FGF14: variants seen among roughly 807,000 people sequenced by gnomAD.
The protein encoded by FGF14 is fibroblast growth factor 14, also known as fibroblast growth factor homologous factor 4.
Under a neutral mutation model 25.5 loss-of-function variants are expected in FGF14, and 5 were observed. The observed-to-expected ratio is 0.20, with a 90% CI of 0.10 to 0.41. The LOEUF (loss-of-function observed/expected upper bound fraction) is 0.41, where lower values mean the gene tolerates loss of function less well. FGF14 is among the 10% of genes least tolerant of loss of function. FGF14 has a pLI of 1.00. For synonymous variants in FGF14, 138 were observed against 118.3 expected (o/e 1.17, Z -1.08); for missense variants, 222 against 320.1 (o/e 0.69, Z 2.34).
intron 3 of FGF14, among the ~76,000 whole-genome samples, chr13:101,807,430 A>C (rs1006560590): frequency 6.6e-6 from 1 of 152,100 alleles, no homozygotes; most frequent in Non-Finnish European, 1.5e-5. Flanking sequence ...TACTCACCTT[A>C]AATATTCTCT....
intron 3 of FGF14, among the ~76,000 whole-genome samples, chr13:101,816,854 A>G (rs1238375226): frequency 6.6e-6 from 1 of 152,172 alleles, no homozygotes; most frequent in African/African-American, 2.4e-5. Flanking sequence ...CAGCAGAAGG[A>G]TTATCACTGT....
At chr13:101,999,945 C>G (rs2039391342) in intron 1 of FGF14, among the ~76,000 whole-genome samples, 1 of 152,188 alleles carries the variant, frequency 6.6e-6, no homozygotes, top group Non-Finnish European at 1.5e-5. Context: ...CTATTCTTAA[C>G]TCTGAGATTT....
chr13:102,135,013 G>A (rs980968295), intron 1 of FGF14, among the ~76,000 whole-genome samples: 2 of 119,318 alleles, frequency 1.7e-5, no homozygotes, highest in South Asian at 2.7e-4. Context: ...GGGAGACCCC[G>A]TGTCCACACA....
At chr13:102,386,587 C>A (rs2058309283) in intron 1 of FGF14, among the ~76,000 whole-genome samples, 1 of 152,170 alleles carries the variant, frequency 6.6e-6, no homozygotes, top group African/African-American at 2.4e-5. Context: ...CATAATGCCT[C>A]CTTCTGCTTT....
intron 1 of FGF14, among the ~76,000 whole-genome samples, chr13:102,085,217 T>A (rs976493922): frequency 6.6e-6 from 1 of 151,656 alleles, no homozygotes; most frequent in Non-Finnish European, 1.5e-5. Context: ...TTTCCTTTTT[T>A]CCCCCACCTC....
chr13:102,158,579 G>A (rs2047468929), intron 1 of FGF14, among the ~76,000 whole-genome samples: 1 of 151,782 alleles, frequency 6.6e-6, no homozygotes, highest in African/African-American at 2.4e-5. Context: ...TAAATGATGA[G>A]TTAATGGGTG....
intron 1 of FGF14, among the ~76,000 whole-genome samples, chr13:101,899,181 T>C (rs766488789): frequency 1.3e-5 from 2 of 148,672 alleles, no homozygotes; most frequent in African/African-American, 2.6e-5. Context: ...TAAACTGGAA[T>C]CTTCTGCCCC....
chr13:101,739,410 T>C (rs554874102), intron 3 of FGF14, among the ~76,000 whole-genome samples: 19 of 152,208 alleles, frequency 1.2e-4, no homozygotes, highest in African/African-American at 4.6e-4. Context: ...ATGATCGTAT[T>C]ATTACAAATT....
intron 1 of FGF14, among the ~76,000 whole-genome samples, chr13:102,317,334 T>C (rs2056070398): frequency 1.3e-5 from 2 of 152,040 alleles, no homozygotes; most frequent in Non-Finnish European, 2.9e-5. Context: ...TATTCCCACC[T>C]GCATTCTGTA....
At chr13:102,334,188 C>G (rs920925822) in intron 1 of FGF14, among the ~76,000 whole-genome samples, 56 of 152,168 alleles carry the variant, frequency 3.7e-4, no homozygotes, top group African/African-American at 1.3e-3. Flanking sequence ...CAAGTTCAAT[C>G]AAGTCATGGA....
At chr13:102,135,958 C>T (rs577700180) in intron 1 of FGF14, among the ~76,000 whole-genome samples, 240 of 152,110 alleles carry the variant, frequency 1.6e-3, no homozygotes, top group African/African-American at 5.5e-3. Flanking sequence ...GCCCGGCCCC[C>T]GTTAAATTTT....
chr13:102,317,732 C>T (rs565911296), intron 1 of FGF14, among the ~76,000 whole-genome samples: 1 of 152,248 alleles, frequency 6.6e-6, no homozygotes, highest in African/African-American at 2.4e-5. Context: ...GAGGAAACAT[C>T]CCACCCCTTC....
At chr13:102,204,873 A>T (rs570006201) in intron 1 of FGF14, among the ~76,000 whole-genome samples, 128 of 152,310 alleles carry the variant, frequency 8.4e-4, no homozygotes, top group African/African-American at 2.9e-3. Flanking sequence ...AATGGCCAAG[A>T]TGATTATATC....
intron 3 of FGF14, among the ~76,000 whole-genome samples, chr13:101,867,732 T>C (rs1329297086): frequency 6.6e-6 from 1 of 152,088 alleles, no homozygotes; most frequent in Non-Finnish European, 1.5e-5. Context: ...GGAACACCCT[T>C]CAGGGAACTC....
chr13:101,793,521 A>G (rs963502225), intron 3 of FGF14, among the ~76,000 whole-genome samples: 1 of 152,158 alleles, frequency 6.6e-6, no homozygotes, highest in Non-Finnish European at 1.5e-5. Context: ...GCCATTGCAC[A>G]TAGTGCCACA....
upstream of FGF14, among the ~76,000 whole-genome samples, chr13:101,919,062 C>T (rs970323143): frequency 1.3e-5 from 2 of 151,988 alleles, no homozygotes; most frequent in African/African-American, 2.4e-5. Context: ...TGTGAGTGTG[C>T]ATTTATGTTG....
intron 1 of FGF14, among the ~76,000 whole-genome samples, chr13:102,144,134 G>C (rs1333462686): frequency 6.6e-6 from 1 of 152,100 alleles, no homozygotes; most frequent in Non-Finnish European, 1.5e-5. Flanking sequence ...TCCCACCTCA[G>C]CCTACTGAGT....
At chr13:102,059,729 T>C (rs2042592539) in intron 1 of FGF14, among the ~76,000 whole-genome samples, 1 of 151,906 alleles carries the variant, frequency 6.6e-6, no homozygotes. Context: ...TGCACGCCTG[T>C]AGCCCCAGCT....
At chr13:102,028,435 G>T (rs984949458) in intron 1 of FGF14, among the ~76,000 whole-genome samples, 1 of 152,078 alleles carries the variant, frequency 6.6e-6, no homozygotes, top group African/African-American at 2.4e-5. Context: ...CATCAAATAT[G>T]CTGGCATCTT....
Sources: allele counts gnomAD v4.1 joint callset (sites outside exome capture counted in the v4.1 genomes callset), GRCh38; gene constraint gnomAD v4.1.1; transcripts MANE v1.5; gene names NCBI Gene and HGNC (gene_info 2026-07-23, HGNC 2026-07-21).